ST7L: variants seen among roughly 807,000 people sequenced by gnomAD.
The protein encoded by ST7L is suppression of tumorigenicity 7 like.
ST7L carries 57 observed loss-of-function variants against 72.5 expected under a neutral mutation model. The ratio of observed to expected loss-of-function variants is 0.79; its 90% CI spans 0.64 to 0.98. ST7L has a LOEUF of 0.98. Ranked by LOEUF, ST7L falls within the 50% of genes least tolerant of loss-of-function variation. ST7L has a pLI of 0.00. For missense variants in ST7L, 576 were observed against 672.2 expected, an observed-to-expected ratio of 0.86 and a Z score of 1.58; for synonymous variants, 221 against 240.9, an observed-to-expected ratio of 0.92 and a Z score of 0.77.
chr1:112,529,276 C>CA (rs1434580786), intron 14 of ST7L: 1 of 152,180 alleles, frequency 6.6e-6, no homozygotes, highest in Non-Finnish European at 1.5e-5. Context: ...GAGGCAGCCA[C>CA]AAAACCAGTG....
chr1:112,541,736 T>G, intron 14 of ST7L: 2 of 1,175,138 alleles, frequency 1.7e-6, no homozygotes, highest in Non-Finnish European at 2.2e-6. Context: ...GTTACAATCT[T>G]ATATTGTATT....
At chr1:112,556,582 C>T (rs1010485988) in intron 11 of ST7L, among the ~76,000 whole-genome samples, 5 of 152,250 alleles carry the variant, frequency 3.3e-5, no homozygotes, top group South Asian at 2.1e-4. Context: ...TACCAAAGAA[C>T]GCTTTGCCTG....
At chr1:112,597,197 A>G (rs2102000987) in intron 5 of ST7L, among the ~76,000 whole-genome samples, 3 of 152,360 alleles carry the variant, frequency 2.0e-5, no homozygotes, top group Admixed American at 2.0e-4. Context: ...TAATTCTATG[A>G]CAAGGAATCC....
chr1:112,535,961 T>C (rs1370772057), intron 14 of ST7L, among the ~76,000 whole-genome samples: 10 of 152,146 alleles, frequency 6.6e-5, no homozygotes, highest in South Asian at 2.1e-4. Flanking sequence ...AAATTGAATA[T>C]GCGAGACTGC....
At position 112,599,073 on chromosome 1, in the gene ST7L, A is replaced by AAAAATAT. The variant is rs1190968815; in HGVS notation, c.507-988_507-987insATATTTT. On this transcript the variant is annotated intron_variant, in intron 4 of 14. Transcript: ENST00000358039. ...AGACTCAGCCTCAAAAAAAAAAAAA[A>AAAAATAT]ATATATATATATATATATATATATA... is the stretch of plus-strand genomic sequence containing the variant. Among the ~76,000 whole-genome samples the AAAAATAT allele has an allele frequency of 1.7e-3, 96 of 56,956 alleles. 2 individuals carry two copies. Among genetic ancestry groups the AAAAATAT allele is most frequent in the African/African-American group, 5.1e-3 (75 of 14,588 alleles). 37.4% of individuals were successfully genotyped at this position (56,956 alleles called of 152,430 possible). A position where few individuals can be genotyped will look rare whatever the true frequency, so the allele number is the denominator to read the frequency against.
intron 11 of ST7L, among the ~76,000 whole-genome samples, chr1:112,569,937 G>A (rs1661770347): frequency 7.6e-6 from 1 of 130,900 alleles, no homozygotes; most frequent in Non-Finnish European, 1.5e-5. Context: ...CAGCCTGGAT[G>A]ACAGAGGAAG....
chr1:112,520,252 T>TTC, downstream of ST7L: 1 of 1,599,282 alleles, frequency 6.3e-7, no homozygotes, highest in East Asian at 2.2e-5. Flanking sequence ...GATAACTTTG[T>TTC]TCTCACTCCC....
At chr1:112,543,512 C>A (rs912385228) in intron 13 of ST7L, among the ~76,000 whole-genome samples, 3 of 152,162 alleles carry the variant, frequency 2.0e-5, no homozygotes, top group Non-Finnish European at 4.4e-5. Context: ...TGTGCCACTG[C>A]ACTCCAGCCT....
intron 13 of ST7L, among the ~76,000 whole-genome samples, chr1:112,545,328 C>A (rs1036843557): frequency 3.2e-4 from 49 of 151,994 alleles, no homozygotes; most frequent in Non-Finnish European, 6.6e-4. Context: ...AACATAATAA[C>A]CCTGATTTTA....
chr1:112,548,081 G>A (rs1657457301), intron 13 of ST7L, among the ~76,000 whole-genome samples: 1 of 152,126 alleles, frequency 6.6e-6, no homozygotes, highest in Non-Finnish European at 1.5e-5. Context: ...ATGGCCAGGT[G>A]TAGTGGCTCA....
At chr1:112,553,638 C>T (rs1658619728) in intron 12 of ST7L, among the ~76,000 whole-genome samples, 1 of 152,066 alleles carries the variant, frequency 6.6e-6, no homozygotes, top group African/African-American at 2.4e-5. Context: ...AGGTATGAGC[C>T]TATTAGACAC....
chr1:112,543,577 A>G (rs1656543535), intron 13 of ST7L, among the ~76,000 whole-genome samples: 1 of 151,902 alleles, frequency 6.6e-6, no homozygotes, highest in South Asian at 2.1e-4. Context: ...ATTAATAAAT[A>G]AAGTAGGTAG....
At position 112,524,504 on chromosome 1, in the gene ST7L, TAA is replaced by T. The variant is rs1653118007; in HGVS notation, c.*1507_*1508del. On this transcript the variant is annotated 3_prime_UTR_variant, in exon 15 of 15. Coordinates refer to ENST00000358039, the MANE Select transcript of ST7L (RefSeq NM_017744.5). ...GAGGTGCCAGACACAGAGTTCTCCG[TAA>T]GCAATCCTGCAGAGCCGCCCCCTGG... The T allele has an allele frequency of 6.5e-6, 1 of 152,726 alleles. No homozygotes were observed. Among genetic ancestry groups the T allele is most frequent in the Non-Finnish European group, 1.5e-5 (1 of 68,198 alleles). The allele number at this position is 152,726 out of a possible 1,614,324, so 9.5% of individuals were successfully genotyped here. A position where few individuals can be genotyped will look rare whatever the true frequency, so the allele number is the denominator to read the frequency against.
At chr1:112,521,130 T>TCTC, downstream of ST7L, 1 of 153,152 alleles carries the variant, frequency 6.5e-6, no homozygotes, top group African/African-American at 2.4e-5. Context: ...ACACATTCAT[T>TCTC]CTCTCTTTTT....
At chr1:112,565,424 G>A (rs1338525347) in intron 11 of ST7L, among the ~76,000 whole-genome samples, 2 of 151,852 alleles carry the variant, frequency 1.3e-5, no homozygotes, top group Non-Finnish European at 2.9e-5. Flanking sequence ...ATGTACTCCA[G>A]TTATAAGGAT....
At chr1:112,572,269 T>C (rs1228156601) in intron 11 of ST7L, among the ~76,000 whole-genome samples, 2 of 152,194 alleles carry the variant, frequency 1.3e-5, no homozygotes, top group Admixed American at 6.5e-5. Flanking sequence ...CCTAGGATTT[T>C]TGGAATGGTA....
chr1:112,565,475 T>C (rs1660876357), intron 11 of ST7L, among the ~76,000 whole-genome samples: 1 of 152,204 alleles, frequency 6.6e-6, no homozygotes, highest in South Asian at 2.1e-4. Context: ...TTCTTACTGC[T>C]CTACTTTACT....
Position 112,618,333 on chromosome 1 carries a change from T to C in ST7L, c.205+576A>G, listed in dbSNP as rs901024332. ...GCAAACCCACTGTTGTTTGTGGCGC[T>C]CTCACTTCCTGTACTATTTTATTAC... On this transcript the variant is annotated intron_variant, in intron 1 of 14. Transcript: ENST00000358039. The C allele has an allele frequency of 1.1e-5, 10 of 933,820 alleles. No homozygotes were observed. In the African/African-American group the frequency reaches 1.8e-4, roughly 17 times the overall value. 57.8% of individuals were successfully genotyped at this position (933,820 alleles called of 1,614,324 possible).
chr1:112,535,437 T>C (rs1655040383), intron 14 of ST7L, among the ~76,000 whole-genome samples: 1 of 149,048 alleles, frequency 6.7e-6, no homozygotes, highest in Non-Finnish European at 1.5e-5. Context: ...GAAGAAGAAG[T>C]ACATTGACAT....
Sources: gnomAD v4.1 joint callset for allele counts (sites outside exome capture counted in the v4.1 genomes callset) on GRCh38, gnomAD v4.1.1 for gene constraint, MANE v1.5 for transcripts, NCBI Gene and HGNC (gene_info 2026-07-23, HGNC 2026-07-21) for gene names.